Variants in PACS1 observed in about 807,000 individuals in gnomAD.
The protein encoded by PACS1 is phosphofurin acidic cluster sorting protein 1.
Under a neutral mutation model 115.0 loss-of-function variants are expected in PACS1, and 24 were observed. That is an observed-to-expected ratio of 0.21 (90% CI 0.15 to 0.29). The LOEUF (loss-of-function observed/expected upper bound fraction) is 0.29, where lower values mean the gene tolerates loss of function less well. Among genes scored for constraint, PACS1 ranks in the 10% least tolerant of loss-of-function variants. The probability of loss-of-function intolerance (pLI) is 1.00; values close to 1 mark genes in which losing one functional copy is unlikely to be tolerated. For synonymous variants in PACS1, 453 were observed against 504.5 expected, an observed-to-expected ratio of 0.90 and a Z score of 1.37; for missense variants, 838 against 1,251.2, an observed-to-expected ratio of 0.67 and a Z score of 4.98.
chr11:66,233,798 T>G lies in PACS1; in HGVS notation c.1852T>G (p.Ser618Ala). 1 of 1,613,756 alleles carries G rather than the reference T, an allele frequency of 6.2e-7. No individual in the cohort carries two copies. The highest frequency in any genetic ancestry group is 8.5e-7 in the Non-Finnish European group (1 of 1,179,852). Residue 618 changes from serine (S) to alanine (A), a missense_variant, in exon 16 of 24, where the codon TCT becomes GCT. By Grantham distance (99) the Ser-to-Ala change is moderately conservative. This residue lies in a region of PACS1 where 383 missense variants were observed against 537.0 expected (regional missense o/e 0.71). Transcript: ENST00000320580. This position sits in a 1 kb window ranked among gnomAD's most constrained non-coding sequence, Gnocchi z 4.5. The part of the protein sequence containing the change: ...TRIQRYCNCN[S>A]SMPRPVKVAA... ...CTTCCTCCCCAGCTGCAACTGCAAC[T>G]CTTCCATGCCGAGGCCAGTGAAGGT...
At chr11:66,142,622 TA>T (rs757969555) in intron 1 of PACS1, among the ~76,000 whole-genome samples, 5,609 of 125,932 alleles carry the variant, frequency 0.045, 291 homozygotes, top group East Asian at 0.18. Context: ...AGCATTTTAT[TA>T]AAAAAAAAAA....
At chr11:66,106,239 G>C (rs1271699297) in intron 1 of PACS1, among the ~76,000 whole-genome samples, 2 of 151,994 alleles carry the variant, frequency 1.3e-5, no homozygotes, top group African/African-American at 4.8e-5. Context: ...AGACCAACCT[G>C]GGCGACAGAG....
intron 13 of PACS1, among the ~76,000 whole-genome samples, chr11:66,231,501 G>A (rs1278660440): frequency 6.6e-6 from 1 of 152,188 alleles, no homozygotes; most frequent in Non-Finnish European, 1.5e-5. Context: ...AGAGATCTGG[G>A]ACAGGGATTT....
At position 66,149,679 on chromosome 11, in the gene PACS1, CGTGTGTGTGTGT is replaced by C. The variant is rs57522847; in HGVS notation, c.357-43790_357-43779del. On this transcript the variant is annotated intron_variant, in intron 1 of 23. Coordinates refer to ENST00000320580, the MANE Select transcript of PACS1 (RefSeq NM_018026.4). ...CTACATCCATTCCACATCTTGTGTT[CGTGTGTGTGTGT>C]GTGTGTGTGTGTGTGTTTTACATGT... Among the ~76,000 whole-genome samples, 10 of 118,418 alleles carry C rather than the reference CGTGTGTGTGTGT, an allele frequency of 8.4e-5. 1 individual carries two copies. The highest frequency in any genetic ancestry group is 4.1e-4 in the East Asian group (2 of 4,854). The allele number at this position is 118,418 out of a possible 152,430, so 77.7% of individuals were successfully genotyped here.
At chr11:66,203,728 A>G (rs1466183284) in intron 2 of PACS1, among the ~76,000 whole-genome samples, 1 of 152,188 alleles carries the variant, frequency 6.6e-6, no homozygotes, top group Non-Finnish European at 1.5e-5. Flanking sequence ...ATTTTCAACA[A>G]AGGTGCCAAG....
At chr11:66,074,001 T>C (rs545324205) in intron 1 of PACS1, among the ~76,000 whole-genome samples, 1 of 149,582 alleles carries the variant, frequency 6.7e-6, no homozygotes, top group South Asian at 2.1e-4. Context: ...CTTCAAACTG[T>C]CCTCCTACCT....
At chr11:66,166,590 A>G (rs1412896180) in intron 1 of PACS1, among the ~76,000 whole-genome samples, 1 of 150,566 alleles carries the variant, frequency 6.6e-6, no homozygotes. Context: ...TGCACAATTA[A>G]TCGTTTATTT....
In PACS1 at chr11:66,235,480, A is replaced by C. The variant is rs923994086; in HGVS notation, c.2207+77A>C. The C allele has an allele frequency of 7.5e-6, 8 of 1,070,248 alleles. No individual in the cohort carries two copies. Among genetic ancestry groups the C allele is most frequent in the Admixed American group, 1.9e-5 (1 of 52,734 alleles). 66.3% of individuals were successfully genotyped at this position (1,070,248 alleles called of 1,614,324 possible). A position where few individuals can be genotyped will look rare whatever the true frequency, so the allele number is the denominator to read the frequency against. On this transcript the variant is annotated intron_variant, in intron 18 of 23. Transcript: ENST00000320580. This position sits in a 1 kb window ranked among gnomAD's most constrained non-coding sequence, Gnocchi z 5.6. ...AATCTTGAGTCTTCCTTGCTTTCTC[A>C]CATTTTCCTTCTCCACATGCTATAT...
intron 4 of PACS1, among the ~76,000 whole-genome samples, chr11:66,215,583 G>C (rs1394868672): frequency 6.6e-6 from 1 of 151,736 alleles, no homozygotes; most frequent in African/African-American, 2.4e-5. Flanking sequence ...CTGGGTGACA[G>C]AGTGAGACCC....
chr11:66,173,922 C>T (rs528234552), intron 1 of PACS1, among the ~76,000 whole-genome samples: 6 of 151,192 alleles, frequency 4.0e-5, no homozygotes, highest in South Asian at 2.1e-4. Flanking sequence ...CCTGGTGGCA[C>T]GCGCCTGTAA....
chr11:66,137,841 T>C (rs1858882919), intron 1 of PACS1, among the ~76,000 whole-genome samples: 1 of 152,230 alleles, frequency 6.6e-6, no homozygotes, highest in African/African-American at 2.4e-5. Context: ...CTATTCATTG[T>C]TTCTCAGACT....
At chr11:66,242,878 G>C in intron 22 of PACS1, 34 bp from the exon 23 acceptor site, 1 of 1,613,218 alleles carries the variant, frequency 6.2e-7, no homozygotes, top group Non-Finnish European at 8.5e-7. Flanking sequence ...CTTCCCCAGG[G>C]GCTGGGACAC....
Position 66,131,592 on chromosome 11 carries a change from T to C in PACS1, c.356+60750T>C, listed in dbSNP as rs1590765537. ...TTAATTTAGACATTTCCTTTGGTTT[T>C]TCCATTTATAAAGATTTGTGCTTTT... On this transcript the variant is annotated intron_variant, in intron 1 of 23. Coordinates refer to ENST00000320580, the MANE Select transcript of PACS1 (RefSeq NM_018026.4). Among the ~76,000 whole-genome samples the C allele has an allele frequency of 2.0e-5, 3 of 152,210 alleles. No homozygotes were observed. The East Asian group carries it at 5.8e-4, about 29-fold the overall frequency.
chr11:66,124,066 C>T (rs918586604), intron 1 of PACS1, among the ~76,000 whole-genome samples: 5 of 152,186 alleles, frequency 3.3e-5, no homozygotes, highest in Admixed American at 3.3e-4. Context: ...TTTGGCAATA[C>T]CGTCTAGTTG....
intron 7 of PACS1, chr11:66,217,596 A>AT: frequency 4.4e-6 from 2 of 456,230 alleles, no homozygotes; most frequent in Non-Finnish European, 8.8e-6. Context: ...TCCCATCACA[A>AT]TGAGGTGTCA....
intron 10 of PACS1, among the ~76,000 whole-genome samples, chr11:66,222,680 C>T (rs1855377672): frequency 6.6e-6 from 1 of 152,146 alleles, no homozygotes; most frequent in South Asian, 2.1e-4. Flanking sequence ...CATGGTTCAC[C>T]AGGGGGAATA....
chr11:66,232,372 G>T, intron 14 of PACS1, 96 bp downstream of exon 14: 1 of 706,306 alleles, frequency 1.4e-6, no homozygotes, highest in Non-Finnish European at 2.5e-6. Flanking sequence ...GCGTGGGGAG[G>T]TGGGGAACTC....
chr11:66,215,428 C>A (rs1422040226), intron 4 of PACS1, among the ~76,000 whole-genome samples: 1 of 151,562 alleles, frequency 6.6e-6, no homozygotes, highest in African/African-American at 2.4e-5. Context: ...CATAGTGAGA[C>A]CCCATCTCTA....
chr11:66,129,467 T>C (rs1240576801), intron 1 of PACS1, among the ~76,000 whole-genome samples: 1 of 147,878 alleles, frequency 6.8e-6, no homozygotes, highest in African/African-American at 2.5e-5. Context: ...ATTATTATTA[T>C]TATTATTATT....
Sources: gnomAD v4.1 joint callset for allele counts (sites outside exome capture counted in the v4.1 genomes callset) on GRCh38, gnomAD v4.1.1 for gene constraint, gnomAD v4.1.1 regional missense constraint, Gnocchi (gnomAD v3.1) non-coding constraint, MANE v1.5 for transcripts, NCBI Gene and HGNC (gene_info 2026-07-23, HGNC 2026-07-21) for gene names.